Variants in KRABD3 observed in about 807,000 individuals in gnomAD.
The protein encoded by KRABD3 is KRAB domain-containing protein 3.
At chr7:149,722,388 G>A in the KRABD3 span, 5 of 1,580,752 alleles carry the variant, frequency 3.2e-6, no homozygotes, top group South Asian at 5.8e-5. Context: ...TGGAGCTGGG[G>A]CTAGAAAGGC....
chr7:149,727,665 A>G, the KRABD3 span, among the ~76,000 whole-genome samples: 4 of 152,236 alleles, frequency 2.6e-5, no homozygotes, highest in Non-Finnish European at 4.4e-5. Context: ...ATTCGGTAGC[A>G]TGCTTCATGT....
chr7:149,715,406 A>G, the KRABD3 span: 1 of 1,065,262 alleles, frequency 9.4e-7, no homozygotes, highest in Non-Finnish European at 1.2e-6. Context: ...GGGGCTGGGG[A>G]CGTGGAAATG....
the KRABD3 span, chr7:149,734,267 C>A: frequency 1.7e-6 from 1 of 595,450 alleles, no homozygotes; most frequent in Non-Finnish European, 2.9e-6. Context: ...GCCCTCTTGG[C>A]TCAGATTCAA....
At chr7:149,730,952 A>C in the KRABD3 span, among the ~76,000 whole-genome samples, 1 of 152,294 alleles carries the variant, frequency 6.6e-6, no homozygotes, top group Non-Finnish European at 1.5e-5. Flanking sequence ...CTTCTTGGAG[A>C]GTGTCCCATT....
At chr7:149,716,517 A>G in the KRABD3 span, among the ~76,000 whole-genome samples, 4 of 152,372 alleles carry the variant, frequency 2.6e-5, no homozygotes, top group East Asian at 5.8e-4. Flanking sequence ...CCTCACACAC[A>G]AAACCCTCAC....
chr7:149,725,235 C>T, the KRABD3 span: 20 of 1,389,494 alleles, frequency 1.4e-5, no homozygotes, highest in Admixed American at 2.7e-4. Context: ...GAAAGCACGT[C>T]GGGTAGAGCC....
the KRABD3 span, chr7:149,733,441 C>T: frequency 3.1e-6 from 5 of 1,590,620 alleles, no homozygotes; most frequent in Non-Finnish European, 4.3e-6. Context: ...AGGAAGTGGC[C>T]ACCATGAGGA....
At chr7:149,731,619 C>G in the KRABD3 span, 1 of 1,329,824 alleles carries the variant, frequency 7.5e-7, no homozygotes, top group Non-Finnish European at 1.1e-6. Flanking sequence ...GTCAGAATGG[C>G]TCTGGCCAAA....
At chr7:149,724,637 G>A in the KRABD3 span, 1 of 1,502,252 alleles carries the variant, frequency 6.7e-7, no homozygotes, top group South Asian at 1.3e-5. Flanking sequence ...GCTTCCCAAT[G>A]GCCTCCTCCC....
chr7:149,723,079 G>A, the KRABD3 span: 1 of 823,824 alleles, frequency 1.2e-6, no homozygotes, highest in Non-Finnish European at 1.8e-6. Flanking sequence ...TGTGTTGCCA[G>A]TGTCACCTTT....
At chr7:149,724,713 T>G in the KRABD3 span, 1 of 1,551,156 alleles carries the variant, frequency 6.4e-7, no homozygotes, top group East Asian at 2.4e-5. Flanking sequence ...GTCTGCTCTC[T>G]GTGAAGATGG....
the KRABD3 span, chr7:149,722,906 C>T: frequency 5.6e-6 from 9 of 1,613,206 alleles, no homozygotes; most frequent in East Asian, 4.5e-5. Context: ...AGCCTGGGCA[C>T]GTCCAGGCTA....
At chr7:149,719,754 C>G in the KRABD3 span, 1 of 1,474,338 alleles carries the variant, frequency 6.8e-7, no homozygotes, top group Non-Finnish European at 9.1e-7. The surrounding 1 kb of genome is among the most constrained non-coding windows in gnomAD (Gnocchi z 5.6). Flanking sequence ...ACCCGGCAGC[C>G]TTAGTCTTTC....
At chr7:149,726,461 G>A in the KRABD3 span, among the ~76,000 whole-genome samples, 12 of 146,880 alleles carry the variant, frequency 8.2e-5, no homozygotes, top group Non-Finnish European at 1.6e-4. Flanking sequence ...TTTTTGAGAC[G>A]AGTCTAACTC....
chr7:149,724,754 CT>C, the KRABD3 span: 2 of 1,566,848 alleles, frequency 1.3e-6, no homozygotes, highest in Non-Finnish European at 8.7e-7. Context: ...CCCCCAGGAC[CT>C]GCATCCTGTC....
At chr7:149,722,518 G>T in the KRABD3 span, 2 of 1,480,914 alleles carry the variant, frequency 1.4e-6, no homozygotes, top group African/African-American at 2.8e-5. Context: ...AGGAGGAAGA[G>T]CCACAGAGGA....
At chr7:149,733,732 C>G in the KRABD3 span, 1 of 1,583,054 alleles carries the variant, frequency 6.3e-7, no homozygotes, top group Non-Finnish European at 8.6e-7. Context: ...CTCCTGGGCT[C>G]CACTGCAGCT....
At chr7:149,720,773 A>G in the KRABD3 span, 2 of 1,483,304 alleles carry the variant, frequency 1.3e-6, no homozygotes, top group Non-Finnish European at 1.8e-6. Flanking sequence ...GAAAACACGC[A>G]CGTAGGTGTG....
At chr7:149,729,103 G>T in the KRABD3 span, 1 of 1,116,926 alleles carries the variant, frequency 9.0e-7, no homozygotes, top group Non-Finnish European at 1.2e-6. Flanking sequence ...GCCCAGCAAT[G>T]GCAGAAACTG....
Sources: allele counts gnomAD v4.1 joint callset (sites outside exome capture counted in the v4.1 genomes callset), GRCh38; gene constraint gnomAD v4.1.1; non-coding constraint Gnocchi (gnomAD v3.1); transcripts MANE v1.5; gene names NCBI Gene and HGNC (gene_info 2026-07-23, HGNC 2026-07-21).